DMD: variants seen among roughly 807,000 people sequenced by gnomAD.
The protein encoded by DMD is mutant dystrophin.
A neutral mutation model predicts 330.1 loss-of-function variants in DMD; 63 were observed. The ratio of observed to expected loss-of-function variants is 0.19; its 90% confidence interval spans 0.16 to 0.24. The LOEUF (loss-of-function observed/expected upper bound fraction) is 0.24. Ranked by LOEUF, DMD falls within the 10% of genes least tolerant of loss-of-function variation. The pLI, the probability that DMD is intolerant of heterozygous loss-of-function variation, is 1.00. For missense variants in DMD, 3,344 were observed against 2,684.1 expected, an observed-to-expected ratio of 1.25 and a Z score of -5.43; for synonymous variants, 1,223 against 959.8, an observed-to-expected ratio of 1.27 and a Z score of -5.07.
chrX:32,372,049 C>A (rs764829026), intron 34 of DMD, among the ~76,000 whole-genome samples: 1 of 111,280 alleles, frequency 9.0e-6, no homozygotes, highest in Non-Finnish European at 1.9e-5. Flanking sequence ...CTGTTGAAAT[C>A]AGGCATAGTA....
intron 7 of DMD, among the ~76,000 whole-genome samples, chrX:32,701,275 G>A (rs1168033453): frequency 8.9e-6 from 1 of 111,990 alleles, no homozygotes; most frequent in Non-Finnish European, 1.9e-5. Flanking sequence ...TTATTCAAAT[G>A]ATATTAGACA....
At chrX:33,149,000 G>T (rs2048156212) in intron 1 of DMD, among the ~76,000 whole-genome samples, 1 of 110,759 alleles carries the variant, frequency 9.0e-6, no homozygotes, top group Non-Finnish European at 1.9e-5. Context: ...TGGCACCAGA[G>T]ACTGGGGTTT....
rs1603450266 is a variant in DMD at position 32,862,840 on chromosome X, G to A, written c.94-13020C>T. The stretch of plus-strand genomic sequence containing the variant: ...CAACCTCCGCCTCCCAGGTTCAAGC[G>A]ATTCTCCTGCCTCCGCGTCCCTAGT... On this transcript the variant is annotated intron_variant, in intron 2 of 78. Transcript: ENST00000357033. Among the ~76,000 whole-genome samples the A allele has an allele frequency of 2.7e-5, 3 of 110,718 alleles. 1 individual carries two copies. The highest frequency in any genetic ancestry group is 8.5e-3 in the Middle Eastern group (2 of 235).
intron 7 of DMD, among the ~76,000 whole-genome samples, chrX:32,725,574 A>G (rs2066782369): frequency 9.0e-6 from 1 of 110,834 alleles, no homozygotes; most frequent in Admixed American, 9.7e-5. Flanking sequence ...GGGTCAATTC[A>G]GCAAAAGGAT....
rs780982818 is a variant in DMD at position 32,365,118 on chromosome X, C to G, written c.4927G>C (p.Gly1643Arg). Residue 1643 changes from glycine to arginine, a missense_variant, in exon 35 of 79, where the codon GGC becomes CGC. By Grantham distance (125) the Gly-to-Arg change is moderately radical (BLOSUM62 -2). Coordinates refer to ENST00000357033, the MANE Select transcript of DMD (RefSeq NM_004006.3). Reference sequence around the variant, plus strand: ...TCTTCCACCAACGTCTCCTTCTTGCCCAAAACTGTTTTCAAGGCCTCTCCT... The same window carrying G: ...TCTTCCACCAACGTCTCCTTCTTGCGCAAAACTGTTTTCAAGGCCTCTCCT... ...EVGEALKTVL[G>R]KKETLVEDKL... The G allele has an allele frequency of 1.7e-6, 2 of 1,210,859 alleles. No individual in the cohort carries two copies. Among genetic ancestry groups the G allele is most frequent in the Non-Finnish European group, 2.2e-6 (2 of 895,108 alleles).
chrX:32,496,771 A>G (rs2148663458), intron 19 of DMD, among the ~76,000 whole-genome samples: 1 of 112,899 alleles, frequency 8.9e-6, no homozygotes, highest in African/African-American at 3.2e-5. Context: ...TGTGCCTGTC[A>G]ATTAAAAACA....
At chrX:32,407,207 G>C (rs1186688083) in intron 30 of DMD, among the ~76,000 whole-genome samples, 1 of 111,058 alleles carries the variant, frequency 9.0e-6, no homozygotes. Context: ...AATGGGAGAA[G>C]ATTTTCGCAA....
At chrX:33,275,646 C>T (rs113548203) in intron 1 of DMD, among the ~76,000 whole-genome samples, 1,853 of 110,694 alleles carry the variant, frequency 0.017, 38 homozygotes, top group African/African-American at 0.058. Context: ...AGGAAGTGTT[C>T]CAAAGAAAAA....
At chrX:32,537,872 T>C (rs943316995) in intron 17 of DMD, among the ~76,000 whole-genome samples, 19 of 112,308 alleles carry the variant, frequency 1.7e-4, no homozygotes, top group African/African-American at 6.2e-4. Context: ...CCTTGCATTC[T>C]GGAAGAATAC....
intron 45 of DMD, among the ~76,000 whole-genome samples, chrX:31,940,862 T>C (rs1176101921): frequency 2.7e-5 from 3 of 111,237 alleles, no homozygotes; most frequent in Non-Finnish European, 5.7e-5. Flanking sequence ...AACAAGAAGT[T>C]CAGAAATGGA....
At chrX:31,759,962 G>A (rs888456033) in intron 51 of DMD, among the ~76,000 whole-genome samples, 4 of 112,050 alleles carry the variant, frequency 3.6e-5, no homozygotes, top group Non-Finnish European at 7.5e-5. Context: ...TGTTCTCTCA[G>A]CTGTGCTCCT....
intron 9 of DMD, among the ~76,000 whole-genome samples, chrX:32,692,419 G>A (rs1418601951): frequency 1.8e-5 from 2 of 111,341 alleles, no homozygotes; most frequent in East Asian, 5.7e-4. Flanking sequence ...GGTCTCCCTG[G>A]CTGGCTTCCC....
In DMD at chrX:31,168,166, G is replaced by C. The variant is rs147699918; in HGVS notation, c.10553+1277C>G. 3.9e-3 allele frequency among the ~76,000 whole-genome samples: 438 copies of C among 111,898 alleles called. 5 individuals are homozygous for C. The highest frequency in any genetic ancestry group is 0.013 in the African/African-American group (398 of 30,798). Reference sequence around the variant, plus strand: ...TGAGCTTGACCCCAAAGGTAGATGAGAGCAGGATGTATTCAGAAATACTAG... The same window carrying C: ...TGAGCTTGACCCCAAAGGTAGATGACAGCAGGATGTATTCAGAAATACTAG... On this transcript the variant is annotated intron_variant, in intron 74 of 78. Coordinates refer to ENST00000357033, the MANE Select transcript of DMD (RefSeq NM_004006.3).
At chrX:32,858,209 GTATAAAT>G (rs1220910918) in intron 2 of DMD, among the ~76,000 whole-genome samples, 11 of 112,396 alleles carry the variant, frequency 9.8e-5, no homozygotes, top group Non-Finnish European at 1.3e-4. Flanking sequence ...GAGTCTGGCA[GTATAAAT>G]TACACAGTGC....
At chrX:31,657,414 A>G (rs1247535828) in intron 54 of DMD, among the ~76,000 whole-genome samples, 1 of 112,167 alleles carries the variant, frequency 8.9e-6, no homozygotes, top group Non-Finnish European at 1.9e-5. Flanking sequence ...TGCTAGTGAA[A>G]AAAGCACTAG....
intron 4 of DMD, among the ~76,000 whole-genome samples, chrX:32,840,241 C>G (rs1253396504): frequency 8.9e-6 from 1 of 111,797 alleles, no homozygotes; most frequent in East Asian, 2.8e-4. Context: ...GGGGCCTTTT[C>G]CCTACTAAAA....
At chrX:32,818,918 G>C (rs997960506) in intron 5 of DMD, among the ~76,000 whole-genome samples, 5 of 110,448 alleles carry the variant, frequency 4.5e-5, no homozygotes, top group Non-Finnish European at 9.5e-5. Context: ...AGTTGTCTAT[G>C]GGGTTTGAAT....
intron 2 of DMD, among the ~76,000 whole-genome samples, chrX:32,884,526 C>G (rs2084334322): frequency 9.0e-6 from 1 of 111,314 alleles, no homozygotes; most frequent in Non-Finnish European, 1.9e-5. Context: ...TTTTTTAAAC[C>G]AATGGAGAGT....
intron 60 of DMD, among the ~76,000 whole-genome samples, chrX:31,354,895 C>T (rs761442966): frequency 7.2e-5 from 8 of 111,556 alleles, no homozygotes; most frequent in South Asian, 3.7e-4. Context: ...AGTATGAATA[C>T]GGTAGACTTG....
Sources: allele counts gnomAD v4.1 joint callset (sites outside exome capture counted in the v4.1 genomes callset), GRCh38; gene constraint gnomAD v4.1.1; transcripts MANE v1.5; gene names NCBI Gene and HGNC (gene_info 2026-07-23, HGNC 2026-07-21).